The following GABPB2 variants were observed in gnomAD, a reference collection of about 807,000 sequenced individuals.
GABPB2 encodes the protein GA binding protein transcription factor subunit beta 2.
Under a neutral mutation model 39.1 loss-of-function variants are expected in GABPB2, and 23 were observed. The ratio of observed to expected loss-of-function variants is 0.59; its 90% CI spans 0.42 to 0.83. The LOEUF (loss-of-function observed/expected upper bound fraction) is 0.83, where lower values mean the gene tolerates loss of function less well. GABPB2 is among the 40% of genes least tolerant of loss of function. The probability of loss-of-function intolerance (pLI) is 0.00; values close to 1 mark genes in which losing one functional copy is unlikely to be tolerated. For missense variants in GABPB2, 467 were observed against 541.1 expected, an observed-to-expected ratio of 0.86 and a Z score of 1.36; for synonymous variants, 184 against 199.3, an observed-to-expected ratio of 0.92 and a Z score of 0.65.
chr1:151,072,015 G>A (rs1402042698), intron 1 of GABPB2, among the ~76,000 whole-genome samples: 2 of 152,142 alleles, frequency 1.3e-5, no homozygotes, highest in African/African-American at 2.4e-5. Context: ...TACTATCAAC[G>A]ATGTAACAAA....
chr1:151,121,947 T>G lies in GABPB2; in HGVS notation c.*3691T>G, dbSNP rs1406310848. 1 of 152,194 alleles carries G rather than the reference T, an allele frequency of 6.6e-6. No individual in the cohort carries two copies. Among genetic ancestry groups the G allele is most frequent in the Non-Finnish European group, 1.5e-5 (1 of 68,034 alleles). 9.4% of individuals were successfully genotyped at this position (152,194 alleles called of 1,614,324 possible). On this transcript the variant is annotated 3_prime_UTR_variant, in exon 9 of 9. Transcript: ENST00000368918. The stretch of plus-strand genomic sequence containing the variant: ...CCAAGTAAACATTCGAATGACTGTT[T>G]AGAATATGGTTTTCTTAATTAGCAG...
chr1:151,098,078 G>C, intron 5 of GABPB2, 76 bp downstream of exon 5: 1 of 1,264,618 alleles, frequency 7.9e-7, no homozygotes, highest in Non-Finnish European at 1.1e-6. Flanking sequence ...GAGATGAATG[G>C]ATACCCTTTC....
At chr1:151,072,568 G>A (rs1676818548) in intron 1 of GABPB2, among the ~76,000 whole-genome samples, 2 of 152,102 alleles carry the variant, frequency 1.3e-5, no homozygotes, top group African/African-American at 2.4e-5. Context: ...CAAACAGGCC[G>A]GGCGTGGTGG....
At chr1:151,114,916 A>C (rs1487897065) in intron 7 of GABPB2, among the ~76,000 whole-genome samples, 1 of 152,028 alleles carries the variant, frequency 6.6e-6, no homozygotes, top group African/African-American at 2.4e-5. Context: ...AGGCTGAGGT[A>C]GGAGAATCAC....
At chr1:151,073,919 A>T (rs1302590211) in intron 1 of GABPB2, among the ~76,000 whole-genome samples, 1 of 151,956 alleles carries the variant, frequency 6.6e-6, no homozygotes, top group Non-Finnish European at 1.5e-5. Context: ...TCTCTGGCTA[A>T]AAAAGAAAGT....
chr1:151,095,359 T>C (rs1679024248), intron 4 of GABPB2, among the ~76,000 whole-genome samples: 1 of 152,194 alleles, frequency 6.6e-6, no homozygotes, highest in Non-Finnish European at 1.5e-5. Context: ...AGGGATGCTT[T>C]ACAGCGTGTG....
intron 6 of GABPB2, among the ~76,000 whole-genome samples, chr1:151,105,530 A>G (rs1289009249): frequency 1.3e-5 from 2 of 151,632 alleles, no homozygotes; most frequent in African/African-American, 4.8e-5. Context: ...TGATACAGAC[A>G]GGATCTTATT....
chr1:151,102,523 A>G (rs373805218), intron 5 of GABPB2, among the ~76,000 whole-genome samples: 15 of 151,944 alleles, frequency 9.9e-5, no homozygotes, highest in African/African-American at 3.6e-4. Context: ...GCTTACTGCA[A>G]TCTCCACTTC....
At chr1:151,111,348 A>G (rs934430504) in intron 7 of GABPB2, among the ~76,000 whole-genome samples, 3 of 150,484 alleles carry the variant, frequency 2.0e-5, no homozygotes, top group Non-Finnish European at 4.4e-5. Context: ...GGTTCAAGCA[A>G]TTCTCCAACC....
intron 1 of GABPB2, among the ~76,000 whole-genome samples, chr1:151,084,826 G>A (rs971952603): frequency 1.3e-5 from 2 of 151,714 alleles, no homozygotes; most frequent in African/African-American, 2.4e-5. Context: ...GAGCCACCGC[G>A]CCCAGCCAGC....
At chr1:151,079,697 C>A (rs1013006621) in intron 1 of GABPB2, among the ~76,000 whole-genome samples, 1 of 151,278 alleles carries the variant, frequency 6.6e-6, no homozygotes, top group East Asian at 2.0e-4. Flanking sequence ...GTCAGGAGTT[C>A]GAGGGGCTGA....
chr1:151,077,554 A>G (rs1166441360), intron 1 of GABPB2, among the ~76,000 whole-genome samples: 1 of 151,226 alleles, frequency 6.6e-6, no homozygotes, highest in Admixed American at 6.6e-5. Context: ...ACAGGGTTTC[A>G]CCATGTTGGC....
At chr1:151,115,402 C>CTT (rs111270273) in intron 7 of GABPB2, among the ~76,000 whole-genome samples, 1 of 132,898 alleles carries the variant, frequency 7.5e-6, no homozygotes, top group African/African-American at 2.8e-5. Flanking sequence ...AAACTATTTT[C>CTT]TTTTTTTTTT....
chr1:151,109,375 T>TTTTTTTA (rs1680223954), intron 7 of GABPB2, among the ~76,000 whole-genome samples: 1 of 145,670 alleles, frequency 6.9e-6, no homozygotes, highest in Non-Finnish European at 1.5e-5. Flanking sequence ...TTTTTTTTTT[T>TTTTTTTA]GAGTCAGAAT....
chr1:151,083,347 A>G (rs587698277), intron 1 of GABPB2, among the ~76,000 whole-genome samples: 4 of 152,298 alleles, frequency 2.6e-5, no homozygotes, highest in African/African-American at 7.2e-5. Context: ...AATACTGTCA[A>G]TTGGCTGGGC....
chr1:151,116,957 C>T (rs761072136), intron 7 of GABPB2, among the ~76,000 whole-genome samples: 9 of 152,076 alleles, frequency 5.9e-5, no homozygotes, highest in African/African-American at 9.7e-5. Context: ...GACCTAGAGT[C>T]AGACACCTTC....
chr1:151,095,292 A>G (rs1301220707), intron 4 of GABPB2, among the ~76,000 whole-genome samples: 1 of 152,194 alleles, frequency 6.6e-6, no homozygotes, highest in East Asian at 1.9e-4. Flanking sequence ...GGGCAAAGGA[A>G]GTAGAGTTTG....
chr1:151,116,843 C>G (rs1366053817), intron 7 of GABPB2, among the ~76,000 whole-genome samples: 1 of 152,102 alleles, frequency 6.6e-6, no homozygotes, highest in Admixed American at 6.6e-5. Flanking sequence ...CTCCTGGGCT[C>G]AAGTGATCCT....
At chr1:151,116,202 A>G (rs1216890296) in intron 7 of GABPB2, among the ~76,000 whole-genome samples, 2 of 151,984 alleles carry the variant, frequency 1.3e-5, no homozygotes, top group South Asian at 4.1e-4. Flanking sequence ...GACCAGACTG[A>G]CCAACACGGA....
Sources: gnomAD v4.1 joint callset for allele counts (sites outside exome capture counted in the v4.1 genomes callset) on GRCh38, gnomAD v4.1.1 for gene constraint, MANE v1.5 for transcripts, NCBI Gene and HGNC (gene_info 2026-07-23, HGNC 2026-07-21) for gene names.